ARHGEF33: variants seen among roughly 807,000 people sequenced by gnomAD.
The protein encoded by ARHGEF33 is Rho guanine nucleotide exchange factor 33, also known as DH and coiled-coil domain-containing protein ENSP00000381780.
Under a neutral mutation model 101.9 loss-of-function variants are expected in ARHGEF33, and 72 were observed. That is an observed-to-expected ratio of 0.71 (90% CI 0.58 to 0.86). ARHGEF33 has a LOEUF of 0.86. Among genes scored for constraint, ARHGEF33 ranks in the 40% least tolerant of loss-of-function variants. The probability of loss-of-function intolerance (pLI) is 0.00; values close to 1 mark genes in which losing one functional copy is unlikely to be tolerated. For missense variants in ARHGEF33, 1,169 were observed against 1,111.3 expected (o/e 1.05, Z -0.74); for synonymous variants, 499 against 442.5 (o/e 1.13, Z -1.60).
chr2:38,962,550 G>C (rs1667967888), intron 16 of ARHGEF33, among the ~76,000 whole-genome samples: 1 of 152,098 alleles, frequency 6.6e-6, no homozygotes, highest in East Asian at 1.9e-4. Flanking sequence ...TCTCCTAACA[G>C]TGTAAGACAT....
At position 38,959,992 on chromosome 2, in the gene ARHGEF33, C is replaced by T. The variant is rs1303636990; in HGVS notation, c.1687C>T (p.Gln563Ter). ...LAPTQFCAAE[Q>*]DVKALAGPLQ... ...ACCGACGCAGTTCTGCGCGGCCGAG[C>T]AGGACGTGAAGGCGCTGGCCGGGCC... The change falls in exon 16 of 18, where the codon CAG becomes TAG. Residue 563 changes from glutamine (Q) to a stop codon, truncating the protein, a stop_gained. Transcript: ENST00000409978. LOFTEE classifies it high-confidence loss of function. 6.4e-7 allele frequency: 1 copy of T among 1,550,656 alleles called. No individual in the cohort carries two copies. Among genetic ancestry groups the T allele is most frequent in the Non-Finnish European group, 8.7e-7 (1 of 1,146,626 alleles).
chr2:38,921,754 C>T (rs1427770532), intron 4 of ARHGEF33, among the ~76,000 whole-genome samples: 1 of 152,166 alleles, frequency 6.6e-6, no homozygotes, highest in Non-Finnish European at 1.5e-5. Context: ...GACAAGTTAT[C>T]TCATTTATAA....
intron 9 of ARHGEF33, among the ~76,000 whole-genome samples, chr2:38,941,042 T>C (rs949537143): frequency 1.3e-5 from 2 of 152,216 alleles, no homozygotes. Context: ...TGATGTTATC[T>C]ATAGGAATAA....
chr2:38,926,386 T>C (rs946150746), intron 4 of ARHGEF33, among the ~76,000 whole-genome samples: 1 of 151,828 alleles, frequency 6.6e-6, no homozygotes, highest in East Asian at 1.9e-4. Flanking sequence ...TACAAGGGAG[T>C]GGTCAGGGTC....
intron 8 of ARHGEF33, 21 bp from the exon 9 acceptor site, chr2:38,937,314 C>T: frequency 7.1e-6 from 2 of 281,680 alleles, no homozygotes; most frequent in Non-Finnish European, 6.9e-6. Context: ...TGTTTCCCCG[C>T]CCCTCCCCCC....
rs397871559 is a variant in ARHGEF33, at chr2:38,967,936, CTTTTTTTTTTTTTTT to C, written c.2483+1805_2483+1819del. Among the ~76,000 whole-genome samples, 6 of 96,368 alleles carry C rather than the reference CTTTTTTTTTTTTTTT, an allele frequency of 6.2e-5. No homozygotes were observed. In the South Asian group the frequency reaches 1.2e-3, roughly 19 times the overall value. The allele number at this position is 96,368 out of a possible 152,430, so 63.2% of individuals were successfully genotyped here. ...TCCTAAGGGCACAGCTTGAGCCTAT[CTTTTTTTTTTTTTTT>C]TTTTTTTTTTTTTAAACCACAGTAT... On this transcript the variant is annotated intron_variant, in intron 17 of 17. Transcript: ENST00000409978.
chr2:38,971,237 C>G (rs572566430), intron 17 of ARHGEF33, among the ~76,000 whole-genome samples: 1 of 152,192 alleles, frequency 6.6e-6, no homozygotes, highest in Non-Finnish European at 1.5e-5. Flanking sequence ...CTTGGTATGA[C>G]CTACTGAATT....
At chr2:38,936,950 T>A (rs1667148414) in intron 8 of ARHGEF33, 1 of 144,382 alleles carries the variant, frequency 6.9e-6, no homozygotes, top group South Asian at 2.3e-4. Context: ...CACTCCAGCC[T>A]GGGTGACAAA....
At position 38,929,805 on chromosome 2, in the gene ARHGEF33, A is replaced by G; in HGVS notation, c.337A>G (p.Arg113Gly). The G allele has an allele frequency of 6.4e-7, 1 of 1,551,578 alleles. No individual in the cohort carries two copies. The highest frequency in any genetic ancestry group is 8.7e-7 in the Non-Finnish European group (1 of 1,146,818). ...KIEQLQQEKR[R>G]ESRKVKAKKT... ...CGAGCAGCTTCAACAGGAGAAGCGA[A>G]GAGAATCTCGAAAAGTTAAAGCCAA... Residue 113 changes from arginine (R) to glycine (G), a missense_variant, in exon 6 of 18, where the codon AGA (arginine) becomes GGA (glycine). By Grantham distance (125) the Arg-to-Gly change is moderately radical. Transcript: ENST00000409978.
intron 13 of ARHGEF33, among the ~76,000 whole-genome samples, chr2:38,955,616 C>T (rs895054033): frequency 4.0e-5 from 6 of 151,040 alleles, no homozygotes; most frequent in African/African-American, 9.7e-5. Context: ...GCTCCCACCT[C>T]GGCCTCCTGA....
chr2:38,953,933 T>G (rs1415520795), intron 12 of ARHGEF33, among the ~76,000 whole-genome samples: 1 of 152,254 alleles, frequency 6.6e-6, no homozygotes, highest in East Asian at 1.9e-4. Context: ...GCATGTTTTC[T>G]GCGGCCAGGC....
rs531215917 is a variant in ARHGEF33 at position 38,953,300 on chromosome 2, G to A, written c.1137+55G>A. On this transcript the variant is annotated intron_variant, in intron 12 of 17. Coordinates refer to ENST00000409978, the MANE Select transcript of ARHGEF33 (RefSeq NM_001145451.5). ...TCATCTGCACATGGCATCATATGATGTTGCTCATCCACCCAGTCAATACAG... is the reference window on the plus strand; with the variant it reads ...TCATCTGCACATGGCATCATATGATATTGCTCATCCACCCAGTCAATACAG... 1.4e-4 allele frequency: 148 copies of A among 1,034,196 alleles called. 1 individual carries two copies. In the African/African-American group the frequency reaches 1.8e-3, roughly 12 times the overall value. The allele number at this position is 1,034,196 out of a possible 1,614,324, so 64.1% of individuals were successfully genotyped here.
At chr2:38,930,643 A>G (rs1666978388) in intron 6 of ARHGEF33, among the ~76,000 whole-genome samples, 2 of 152,152 alleles carry the variant, frequency 1.3e-5, no homozygotes, top group African/African-American at 4.8e-5. Context: ...ACAGTGCTCA[A>G]CTTACTTATG....
In ARHGEF33 at chr2:38,919,442, G is replaced by A. The variant is rs1273319997; in HGVS notation, c.-6G>A. ...AATAAGCTGGAGAAGAGAAGTAACCGGCACTATGGAAAAAACCAAAACAAA... is the reference window on the plus strand; with the variant it reads ...AATAAGCTGGAGAAGAGAAGTAACCAGCACTATGGAAAAAACCAAAACAAA... On this transcript the variant is annotated 5_prime_UTR_variant, in exon 3 of 18. Coordinates refer to ENST00000409978, the MANE Select transcript of ARHGEF33 (RefSeq NM_001145451.5). 6 of 1,551,768 alleles carry A rather than the reference G, an allele frequency of 3.9e-6. No individual in the cohort carries two copies. Among genetic ancestry groups the A allele is most frequent in the East Asian group, 2.4e-5 (1 of 40,894 alleles).
At chr2:38,930,052 A>G (rs1290273759) in intron 6 of ARHGEF33, among the ~76,000 whole-genome samples, 1 of 152,252 alleles carries the variant, frequency 6.6e-6, no homozygotes, top group African/African-American at 2.4e-5. Flanking sequence ...GTAAAATGAA[A>G]GTGACATAAA....
At chr2:38,938,412 G>T (rs908376288) in intron 9 of ARHGEF33, among the ~76,000 whole-genome samples, 6 of 152,178 alleles carry the variant, frequency 3.9e-5, no homozygotes, top group Non-Finnish European at 7.4e-5. Flanking sequence ...CCTGGCATGT[G>T]CCTCTGGTCT....
At chr2:38,954,511 T>C in intron 13 of ARHGEF33, 55 bp downstream of exon 13, 3 of 1,057,534 alleles carry the variant, frequency 2.8e-6, no homozygotes, top group Middle Eastern at 2.0e-4. Flanking sequence ...TAATTATTGG[T>C]TTTGGCTCCC....
At chr2:38,946,926 T>G (rs1009988117) in intron 10 of ARHGEF33, among the ~76,000 whole-genome samples, 4 of 152,184 alleles carry the variant, frequency 2.6e-5, no homozygotes, top group African/African-American at 9.7e-5. Context: ...GTGCCCAGCC[T>G]TTGTGTGTAC....
chr2:38,904,660 A>G (rs1204336384), intron 2 of ARHGEF33, among the ~76,000 whole-genome samples: 1 of 146,956 alleles, frequency 6.8e-6, no homozygotes, highest in Non-Finnish European at 1.5e-5. Flanking sequence ...GTGAGCTGAG[A>G]TTGCACCACT....
Sources: allele counts gnomAD v4.1 joint callset (sites outside exome capture counted in the v4.1 genomes callset), GRCh38; gene constraint gnomAD v4.1.1; transcripts MANE v1.5; gene names NCBI Gene and HGNC (gene_info 2026-07-23, HGNC 2026-07-21).